The following THSD4 variants were observed in gnomAD, a reference collection of about 807,000 sequenced individuals.
THSD4 encodes the protein thrombospondin type-1 domain-containing protein 4.
Under a neutral mutation model 119.0 loss-of-function variants are expected in THSD4, and 69 were observed. The observed-to-expected ratio is 0.58, with a 90% CI of 0.48 to 0.71. The LOEUF is 0.71. Among genes scored for constraint, THSD4 ranks in the 30% least tolerant of loss-of-function variants. The probability of loss-of-function intolerance (pLI) is 0.00; values close to 1 mark genes in which losing one functional copy is unlikely to be tolerated. For synonymous variants in THSD4, 524 were observed against 540.4 expected (o/e 0.97, Z 0.42); for missense variants, 1,393 against 1,391.1 (o/e 1.00, Z -0.02).
chr15:71,692,474 T>G (rs1307018719), intron 8 of THSD4, among the ~76,000 whole-genome samples: 2 of 152,212 alleles, frequency 1.3e-5, no homozygotes, highest in African/African-American at 4.8e-5. Flanking sequence ...TGTTTTGTTT[T>G]TTGTTTTGTT....
At chr15:71,716,633 C>T (rs1013604652) in intron 8 of THSD4, among the ~76,000 whole-genome samples, 2 of 148,682 alleles carry the variant, frequency 1.3e-5, no homozygotes, top group African/African-American at 5.0e-5. Context: ...TAGATCATAG[C>T]TGACTGTACT....
Position 71,757,922 on chromosome 15 carries a change from C to T in THSD4, c.2436C>T (p.Ala812=), listed in dbSNP as rs776818716. The change falls in exon 15 of 18, where the codon GCC becomes GCT. Residue 812 remains alanine, a synonymous_variant. Transcript: ENST00000261862. ...WSERCSAECG[A]GVRTRSVVCM... ...CACAGTGCTCAGCGGAGTGTGGGGC[C>T]GGAGTGCGGACACGCTCGGTGGTGT... The T allele has an allele frequency of 1.3e-5, 21 of 1,613,566 alleles. No individual in the cohort carries two copies. In the African/African-American group the frequency reaches 1.7e-4, roughly 13 times the overall value.
At chr15:71,619,616 T>C (rs1365209974) in intron 7 of THSD4, among the ~76,000 whole-genome samples, 2 of 152,214 alleles carry the variant, frequency 1.3e-5, no homozygotes, top group African/African-American at 4.8e-5. Flanking sequence ...ATAATATACA[T>C]TGAAATTTCT....
At chr15:71,455,568 C>T (rs2047327351) in intron 7 of THSD4, among the ~76,000 whole-genome samples, 1 of 152,036 alleles carries the variant, frequency 6.6e-6, no homozygotes, top group Non-Finnish European at 1.5e-5. Context: ...TAGACCCATC[C>T]CCAGCATTAG....
chr15:71,279,803 G>A (rs2044631224), intron 6 of THSD4, among the ~76,000 whole-genome samples: 1 of 151,456 alleles, frequency 6.6e-6, no homozygotes, highest in Non-Finnish European at 1.5e-5. Flanking sequence ...AAAACACAAA[G>A]ATTGCTACAA....
chr15:71,302,792 A>G (rs1422884713), intron 6 of THSD4, among the ~76,000 whole-genome samples: 57 of 152,014 alleles, frequency 3.7e-4, no homozygotes, highest in Admixed American at 3.7e-3. Context: ...GGAGAACTGA[A>G]TGGTACACAC....
In THSD4 at chr15:71,777,548, A is replaced by T; in HGVS notation, c.*174A>T. ...CCCGTGGTACCCAGGGGCTTTTTAC[A>T]CAAGATGTTTGAAAGCCACAGTCAG... On this transcript the variant is annotated 3_prime_UTR_variant, in exon 18 of 18. Transcript: ENST00000261862. 1.2e-6 allele frequency: 1 copy of T among 830,648 alleles called. No individual in the cohort carries two copies. The highest frequency in any genetic ancestry group is 1.8e-6 in the Non-Finnish European group (1 of 546,674). The allele number at this position is 830,648 out of a possible 1,614,324, so 51.5% of individuals were successfully genotyped here.
intron 3 of THSD4, among the ~76,000 whole-genome samples, chr15:71,198,774 C>T (rs1327881690): frequency 6.6e-6 from 1 of 152,202 alleles, no homozygotes; most frequent in African/African-American, 2.4e-5. Flanking sequence ...CATGTGGGGA[C>T]ACTCCACCAT....
chr15:71,636,054 C>T (rs1330478986), intron 7 of THSD4, among the ~76,000 whole-genome samples: 4 of 152,156 alleles, frequency 2.6e-5, no homozygotes, highest in Admixed American at 2.0e-4. Context: ...GCTTTGGAGA[C>T]AGACTAGAGT....
At position 71,633,540 on chromosome 15, in the gene THSD4, G is replaced by A. The variant is rs776328738; in HGVS notation, c.1153-26990G>A. ...TCCACCTGCCTTGGCCTCCCAAAGC[G>A]TTGGGACTACAGGCATAAGCCACTG... On this transcript the variant is annotated intron_variant, in intron 7 of 17. Coordinates refer to ENST00000261862, the MANE Select transcript of THSD4 (RefSeq NM_024817.3). Among the ~76,000 whole-genome samples the A allele has an allele frequency of 1.2e-4, 18 of 152,168 alleles. No individual in the cohort carries two copies. The South Asian group carries it at 1.4e-3, about 12-fold the overall frequency.
At chr15:71,501,867 C>G (rs1430612671) in intron 7 of THSD4, among the ~76,000 whole-genome samples, 2 of 152,180 alleles carry the variant, frequency 1.3e-5, no homozygotes, top group East Asian at 1.9e-4. Context: ...CTTTTGACTT[C>G]TCTTTCCCAT....
intron 17 of THSD4, among the ~76,000 whole-genome samples, chr15:71,774,040 C>T (rs1260816363): frequency 2.0e-5 from 3 of 152,104 alleles, no homozygotes; most frequent in Non-Finnish European, 2.9e-5. Context: ...GGGCCGGGTG[C>T]GGTGGCTCAT....
intron 7 of THSD4, among the ~76,000 whole-genome samples, chr15:71,454,148 T>G (rs991819531): frequency 6.6e-6 from 1 of 152,010 alleles, no homozygotes; most frequent in Non-Finnish European, 1.5e-5. Context: ...TTCCAGCTAC[T>G]TGGGAGGCTG....
intron 7 of THSD4, among the ~76,000 whole-genome samples, chr15:71,659,623 G>T (rs184708283): frequency 6.6e-6 from 1 of 152,204 alleles, no homozygotes; most frequent in East Asian, 1.9e-4. Context: ...AGTTGCCCAG[G>T]CTGGTCTCAA....
At chr15:71,205,601 A>G (rs574084119) in intron 3 of THSD4, among the ~76,000 whole-genome samples, 20 of 152,324 alleles carry the variant, frequency 1.3e-4, no homozygotes, top group African/African-American at 4.6e-4. Flanking sequence ...ACTCATTTAC[A>G]TAATAATTTC....
At chr15:71,695,238 C>A (rs776335570) in intron 8 of THSD4, among the ~76,000 whole-genome samples, 2 of 152,102 alleles carry the variant, frequency 1.3e-5, no homozygotes, top group Non-Finnish European at 2.9e-5. Context: ...AAGTGTGCAT[C>A]CCTAGGCATT....
chr15:71,411,968 T>C, intron 7 of THSD4, 145 bp downstream of exon 7: 1 of 1,096,548 alleles, frequency 9.1e-7, no homozygotes, highest in Non-Finnish European at 1.3e-6. Context: ...AGGAGTGGGC[T>C]GAGATGGGGC....
intron 7 of THSD4, among the ~76,000 whole-genome samples, chr15:71,509,418 A>G (rs2048244472): frequency 6.6e-6 from 1 of 152,228 alleles, no homozygotes; most frequent in Non-Finnish European, 1.5e-5. Flanking sequence ...TCATTATCCA[A>G]GATTCTCTGC....
At chr15:71,151,113 C>A (rs1200144303) in intron 2 of THSD4, among the ~76,000 whole-genome samples, 1 of 152,118 alleles carries the variant, frequency 6.6e-6, no homozygotes, top group Non-Finnish European at 1.5e-5. Context: ...CAAGGAAGCC[C>A]TGTGAAGACA....
Sources: gnomAD v4.1 joint callset for allele counts (sites outside exome capture counted in the v4.1 genomes callset) on GRCh38, gnomAD v4.1.1 for gene constraint, MANE v1.5 for transcripts, NCBI Gene and HGNC (gene_info 2026-07-23, HGNC 2026-07-21) for gene names.